The following XPNPEP3 variants were observed in gnomAD, a reference collection of about 807,000 sequenced individuals.
The protein encoded by XPNPEP3 is xaa-Pro aminopeptidase 3.
In XPNPEP3, 41 loss-of-function variants were observed where a neutral mutation model predicts 60.0. The ratio of observed to expected loss-of-function variants is 0.68; its 90% confidence interval spans 0.53 to 0.89. XPNPEP3 has a LOEUF of 0.89. Among genes scored for constraint, XPNPEP3 ranks in the 40% least tolerant of loss-of-function variants. XPNPEP3 has a pLI of 0.00. For synonymous variants in XPNPEP3, 212 were observed against 223.2 expected, an observed-to-expected ratio of 0.95 and a Z score of 0.45; for missense variants, 598 against 638.9, an observed-to-expected ratio of 0.94 and a Z score of 0.69.
At chr22:40,917,148 TCAGGAGGCTGAGG>T (rs1290570910) in intron 7 of XPNPEP3, 4 of 152,242 alleles carry the variant, frequency 2.6e-5, no homozygotes, top group Non-Finnish European at 4.4e-5. Context: ...TCTCAGCTAC[TCAGGAGGCTGAGG>T]CAGGAGGATC....
intron 6 of XPNPEP3, among the ~76,000 whole-genome samples, chr22:40,911,268 C>G (rs2146272352): frequency 6.6e-6 from 1 of 152,108 alleles, no homozygotes; most frequent in South Asian, 2.1e-4. Context: ...CTTAATAATA[C>G]TTAGTTTAGG....
At chr22:40,925,707 C>G (rs2058232333) in intron 9 of XPNPEP3, among the ~76,000 whole-genome samples, 1 of 152,106 alleles carries the variant, frequency 6.6e-6, no homozygotes, top group South Asian at 2.1e-4. Context: ...ACATTAAAGT[C>G]TTTCAGTTTC....
intron 2 of XPNPEP3, among the ~76,000 whole-genome samples, chr22:40,872,670 C>T (rs376144726): frequency 3.3e-5 from 5 of 151,988 alleles, no homozygotes; most frequent in Admixed American, 1.3e-4. Flanking sequence ...AGGCTAGTCT[C>T]GAACTCCTGA....
chr22:40,922,036 A>T (rs1850927679), intron 7 of XPNPEP3, among the ~76,000 whole-genome samples: 1 of 151,826 alleles, frequency 6.6e-6, no homozygotes. Context: ...GCTGAGCCTC[A>T]TCTGCCCACT....
intron 1 of XPNPEP3, among the ~76,000 whole-genome samples, chr22:40,858,095 G>T (rs180838101): frequency 6.6e-6 from 1 of 152,200 alleles, no homozygotes; most frequent in East Asian, 1.9e-4. Flanking sequence ...TAGGTGAAAA[G>T]AAAGATGTGC....
chr22:40,862,272 C>T (rs1366989687), intron 1 of XPNPEP3: 1 of 1,129,342 alleles, frequency 8.9e-7, no homozygotes, highest in Admixed American at 4.7e-5. Flanking sequence ...CGTACCAGAC[C>T]ATCCTGAATC....
intron 2 of XPNPEP3, chr22:40,870,136 T>G (rs1036943107): frequency 2.1e-6 from 1 of 469,754 alleles, no homozygotes; most frequent in African/African-American, 2.0e-5. Flanking sequence ...TTCAAAGCTG[T>G]AAGGTAAGCT....
At chr22:40,859,273 T>C (rs1279057773) in intron 1 of XPNPEP3, among the ~76,000 whole-genome samples, 1 of 152,150 alleles carries the variant, frequency 6.6e-6, no homozygotes, top group Non-Finnish European at 1.5e-5. Flanking sequence ...GAGGGCCTTG[T>C]ATATTATGTT....
intron 4 of XPNPEP3, among the ~76,000 whole-genome samples, chr22:40,886,720 G>A (rs992452514): frequency 1.3e-5 from 2 of 151,324 alleles, no homozygotes; most frequent in Non-Finnish European, 2.9e-5. Context: ...CCAGCTACTC[G>A]GTAGGCTGAG....
At position 40,926,650 on chromosome 22, in the gene XPNPEP3, G is replaced by A. The variant is rs2058235701; in HGVS notation, c.*215G>A. ...ATGAATTTTTGAATAGTATGTTACT[G>A]CAGCTTTGGTAACATTAATTCTATA... On this transcript the variant is annotated 3_prime_UTR_variant, in exon 10 of 10. Transcript: ENST00000357137. 3.3e-6 allele frequency: 2 copies of A among 598,122 alleles called. No individual in the cohort carries two copies. Among genetic ancestry groups the A allele is most frequent in the South Asian group, 1.9e-5 (1 of 51,970 alleles). The allele number at this position is 598,122 out of a possible 1,614,324, so 37.1% of individuals were successfully genotyped here.
At chr22:40,883,299 A>C (rs1255951132) in intron 3 of XPNPEP3, among the ~76,000 whole-genome samples, 1 of 152,184 alleles carries the variant, frequency 6.6e-6, no homozygotes, top group Non-Finnish European at 1.5e-5. Context: ...TCCCCTATCT[A>C]CTGAATCAGA....
rs373224354 is a variant in XPNPEP3 at position 40,914,872 on chromosome 22, A to T, written c.1055+548A>T. On this transcript the variant is annotated intron_variant, in intron 7 of 9. Coordinates refer to ENST00000357137, the MANE Select transcript of XPNPEP3 (RefSeq NM_022098.4). ...ATATTAAAAATAACTATTTAAAGGC[A>T]CTAGAGATCCCTTTGTAGCTCATGA... 6.6e-5 allele frequency among the ~76,000 whole-genome samples: 10 copies of T among 152,200 alleles called. No homozygotes were observed. In the South Asian group the frequency reaches 1.0e-3, roughly 16 times the overall value.
Position 40,861,583 on chromosome 22 carries a change from A to G in XPNPEP3, c.64+4338A>G, listed in dbSNP as rs1401307171. 4 of 1,613,268 alleles carry G rather than the reference A, an allele frequency of 2.5e-6. No individual in the cohort carries two copies. In the African/African-American group the frequency reaches 5.3e-5, roughly 22 times the overall value. On this transcript the variant is annotated intron_variant, in intron 1 of 9. Transcript: ENST00000357137. ...ATTGGATATTCACTGGCAGTGGAGAAAAAGTATCCTGCATCTCTGTTTCTG... is the reference window on the plus strand; with the variant it reads ...ATTGGATATTCACTGGCAGTGGAGAGAAAGTATCCTGCATCTCTGTTTCTG...
chr22:40,916,608 A>T (rs1427216971), intron 7 of XPNPEP3, among the ~76,000 whole-genome samples: 4 of 152,204 alleles, frequency 2.6e-5, no homozygotes, highest in Non-Finnish European at 2.9e-5. Flanking sequence ...AACTGCCCAA[A>T]ATCTAGACTG....
intron 7 of XPNPEP3, among the ~76,000 whole-genome samples, chr22:40,915,909 G>A (rs2058194411): frequency 6.6e-6 from 1 of 152,186 alleles, no homozygotes; most frequent in African/African-American, 2.4e-5. Flanking sequence ...TGAGAACAGA[G>A]TTTGTAGTTT....
chr22:40,908,958 T>C (rs2058166482), intron 5 of XPNPEP3, among the ~76,000 whole-genome samples, 164 bp from the exon 6 acceptor site: 1 of 152,160 alleles, frequency 6.6e-6, no homozygotes, highest in South Asian at 2.1e-4. Context: ...ATAAAAGAAA[T>C]GGACTGAAAT....
At chr22:40,890,641 C>T (rs569668999) in intron 4 of XPNPEP3, among the ~76,000 whole-genome samples, 5 of 151,690 alleles carry the variant, frequency 3.3e-5, no homozygotes, top group African/African-American at 1.2e-4. Context: ...CCAAGGTGGG[C>T]AGATCACTTG....
chr22:40,891,200 A>G (rs1023217154), intron 4 of XPNPEP3, among the ~76,000 whole-genome samples: 2 of 151,240 alleles, frequency 1.3e-5, no homozygotes, highest in African/African-American at 4.9e-5. Context: ...AAAAAAAAAA[A>G]AAGTTTTTAA....
chr22:40,900,412 C>T (rs2058127279), intron 4 of XPNPEP3, among the ~76,000 whole-genome samples: 1 of 151,724 alleles, frequency 6.6e-6, no homozygotes, highest in Non-Finnish European at 1.5e-5. Flanking sequence ...CAAGACCAGC[C>T]TGGCCAACAT....
Sources: gnomAD v4.1 joint callset for allele counts (sites outside exome capture counted in the v4.1 genomes callset) on GRCh38, gnomAD v4.1.1 for gene constraint, MANE v1.5 for transcripts, NCBI Gene and HGNC (gene_info 2026-07-23, HGNC 2026-07-21) for gene names.